COL4A1: variants seen among roughly 807,000 people sequenced by gnomAD.
COL4A1 encodes the protein collagen alpha-1(IV) chain.
Under a neutral mutation model 216.6 loss-of-function variants are expected in COL4A1, and 40 were observed. The observed-to-expected ratio is 0.18, with a 90% confidence interval of 0.14 to 0.24. The LOEUF is 0.24. COL4A1 is among the 10% of genes least tolerant of loss of function. The pLI, the probability that COL4A1 is intolerant of heterozygous loss-of-function variation, is 1.00. For synonymous variants in COL4A1, 839 were observed against 810.7 expected (o/e 1.03, Z -0.59); for missense variants, 1,628 against 2,196.8 (o/e 0.74, Z 5.18).
chr13:110,202,663 G>C (rs547878276), intron 18 of COL4A1, among the ~76,000 whole-genome samples: 8 of 152,082 alleles, frequency 5.3e-5, no homozygotes, highest in Admixed American at 4.6e-4. Flanking sequence ...AAAAAGTCTG[G>C]GGGCAAAATG....
intron 2 of COL4A1, among the ~76,000 whole-genome samples, chr13:110,235,893 T>C (rs1159526547): frequency 6.6e-6 from 1 of 152,170 alleles, no homozygotes; most frequent in African/African-American, 2.4e-5. Flanking sequence ...TTGTTACCCA[T>C]GTGTAAATTA....
At chr13:110,273,188 G>A (rs569012304) in intron 1 of COL4A1, among the ~76,000 whole-genome samples, 4 of 152,328 alleles carry the variant, frequency 2.6e-5, no homozygotes, top group African/African-American at 9.6e-5. Context: ...CATGAATTCA[G>A]CAATGTCCAT....
rs9583466 is a variant in COL4A1, at chr13:110,207,686, A to C, written c.694-197T>G. On this transcript the variant is annotated intron_variant, in intron 12 of 51. Coordinates refer to ENST00000375820, the MANE Select transcript of COL4A1 (RefSeq NM_001845.6). The surrounding 1 kb of genome is among the most constrained non-coding windows in gnomAD (Gnocchi z 4.4). ...GATGATACAACAAGTATCTAAACCCAGGAGGAGAATTTCACTTCTTCTATG... is the reference window on the plus strand; with the variant it reads ...GATGATACAACAAGTATCTAAACCCCGGAGGAGAATTTCACTTCTTCTATG... 3.4e-3 allele frequency among the ~76,000 whole-genome samples: 521 copies of C among 152,340 alleles called. 2 individuals carry two copies. The highest frequency in any genetic ancestry group is 0.011 in the African/African-American group (469 of 41,586).
At chr13:110,219,119 C>T (rs766607056) in intron 2 of COL4A1, among the ~76,000 whole-genome samples, 10 of 152,160 alleles carry the variant, frequency 6.6e-5, no homozygotes, top group Non-Finnish European at 1.5e-4. Flanking sequence ...GGCGAGGCCC[C>T]GCCGGGAGCT....
At chr13:110,297,187 T>C (rs1884308430) in intron 1 of COL4A1, among the ~76,000 whole-genome samples, 1 of 152,202 alleles carries the variant, frequency 6.6e-6, no homozygotes, top group Non-Finnish European at 1.5e-5. Flanking sequence ...CCTGCCTTGG[T>C]CTTTCCCAGG....
At chr13:110,183,966 G>C (rs1878294989) in intron 26 of COL4A1, among the ~76,000 whole-genome samples, 2 of 152,304 alleles carry the variant, frequency 1.3e-5, no homozygotes, top group South Asian at 4.1e-4. Flanking sequence ...CCTCGTAAGA[G>C]TTCAAGCTAT....
At chr13:110,290,032 C>A (rs34171526) in intron 1 of COL4A1, among the ~76,000 whole-genome samples, 22,745 of 152,090 alleles carry the variant, frequency 0.15, 1,732 homozygotes, top group South Asian at 0.26. Context: ...AGGATGCTGC[C>A]GGGGGGCACA....
At chr13:110,235,326 A>T (rs1011952689) in intron 2 of COL4A1, among the ~76,000 whole-genome samples, 9 of 152,294 alleles carry the variant, frequency 5.9e-5, no homozygotes, top group Middle Eastern at 3.4e-3. Context: ...TATAGGAAAA[A>T]TTTTTTAATA....
intron 1 of COL4A1, among the ~76,000 whole-genome samples, chr13:110,254,019 T>G (rs544431781): frequency 6.6e-6 from 1 of 152,216 alleles, no homozygotes; most frequent in African/African-American, 2.4e-5. Flanking sequence ...TAAAACTTTT[T>G]GAGCGCCAAC....
intron 2 of COL4A1, among the ~76,000 whole-genome samples, chr13:110,233,397 G>A (rs1881156354): frequency 6.6e-6 from 1 of 152,168 alleles, no homozygotes; most frequent in Non-Finnish European, 1.5e-5. Context: ...CAACGGGAGG[G>A]GAGGGAAGAC....
At chr13:110,232,510 A>G (rs1189626024) in intron 2 of COL4A1, among the ~76,000 whole-genome samples, 1 of 152,222 alleles carries the variant, frequency 6.6e-6, no homozygotes, top group African/African-American at 2.4e-5. Context: ...TTCATTTGTC[A>G]GGGTTTGTTT....
rs111590116 is a variant in COL4A1 at position 110,173,118 on chromosome 13, G to C, written c.3506-348C>G. ...ACTAATTGCTATTCTCAGGGAGGTG[G>C]GGAAAGCCAAAGAGATTTGGGGCAG... is the stretch of plus-strand genomic sequence containing the variant. On this transcript the variant is annotated intron_variant, in intron 40 of 51. Coordinates refer to ENST00000375820, the MANE Select transcript of COL4A1 (RefSeq NM_001845.6). Among the ~76,000 whole-genome samples the C allele has an allele frequency of 6.8e-3, 1,041 of 152,290 alleles. 2 individuals are homozygous for C. Among genetic ancestry groups the C allele is most frequent in the Non-Finnish European group, 9.6e-3 (652 of 68,020 alleles).
intron 2 of COL4A1, among the ~76,000 whole-genome samples, chr13:110,240,929 G>A (rs1881537707): frequency 6.6e-6 from 1 of 152,228 alleles, no homozygotes; most frequent in Non-Finnish European, 1.5e-5. Context: ...GAGTGCAATG[G>A]TGTGTTCTTG....
intron 1 of COL4A1, among the ~76,000 whole-genome samples, chr13:110,263,031 C>T (rs1882889449): frequency 6.6e-6 from 1 of 152,184 alleles, no homozygotes; most frequent in African/African-American, 2.4e-5. Flanking sequence ...CAAATTTCTC[C>T]AGAGCAGGCA....
At position 110,203,924 on chromosome 13, in the gene COL4A1, C is replaced by T. The variant is rs645098; in HGVS notation, c.958-317G>A. On this transcript the variant is annotated intron_variant, in intron 17 of 51. Coordinates refer to ENST00000375820, the MANE Select transcript of COL4A1 (RefSeq NM_001845.6). ...CTCGGAAAACAGAATCATTGATGAG[C>T]GGAACTGGCAACCAGGGTTTTTCAA... Among the ~76,000 whole-genome samples the T allele has an allele frequency of 0.68, 103,703 of 152,086 alleles. 35,743 individuals are homozygous for T. Among genetic ancestry groups the T allele is most frequent in the East Asian group, 0.83 (4,276 of 5,180 alleles).
intron 20 of COL4A1, among the ~76,000 whole-genome samples, chr13:110,199,831 G>A (rs1879093430): frequency 1.3e-5 from 2 of 152,202 alleles, no homozygotes; most frequent in Admixed American, 1.3e-4. Flanking sequence ...AGGCTTCTGT[G>A]AGGAGACATG....
At chr13:110,202,244 A>G (rs1879284177) in intron 18 of COL4A1, among the ~76,000 whole-genome samples, 1 of 151,882 alleles carries the variant, frequency 6.6e-6, no homozygotes. Flanking sequence ...CTCTTAAAAA[A>G]AAAAAAAAAA....
Position 110,195,099 on chromosome 13 carries a change from C to A in COL4A1, c.1305G>T (p.Gln435His). 1.9e-6 allele frequency: 3 copies of A among 1,614,138 alleles called. No individual in the cohort carries two copies. In the South Asian group the frequency reaches 3.3e-5, roughly 18 times the overall value. Reference protein sequence around the residue: ...PGYTNGIVECQPGPPGDQGPP... With the variant: ...PGYTNGIVECHPGPPGDQGPP... The stretch of plus-strand genomic sequence containing the variant: ...GACCCTGGTCACCTGGAGGTCCGGG[C>A]TGACATTCCACAATTCCATCTGAAA... The change falls in exon 22 of 52, where the codon CAG becomes CAT. Residue 435 changes from glutamine to histidine, a missense_variant. Gln to His is a conservative substitution (Grantham distance 24). Coordinates refer to ENST00000375820, the MANE Select transcript of COL4A1 (RefSeq NM_001845.6).
chr13:110,305,853 C>T (rs983228632), intron 1 of COL4A1: 2 of 152,342 alleles, frequency 1.3e-5, no homozygotes, highest in Non-Finnish European at 2.9e-5. Context: ...TAGTGAGTAT[C>T]ATTCTTCCAG....
Sources: allele counts gnomAD v4.1 joint callset (sites outside exome capture counted in the v4.1 genomes callset), GRCh38; gene constraint gnomAD v4.1.1; non-coding constraint Gnocchi (gnomAD v3.1); transcripts MANE v1.5; gene names NCBI Gene and HGNC (gene_info 2026-07-23, HGNC 2026-07-21).